The following RAPGEF6 variants were observed in gnomAD, a reference collection of about 807,000 sequenced individuals.
RAPGEF6 encodes PDZ domain containing guanine nucleotide exchange factor (GEF) 2.
In RAPGEF6, 56 loss-of-function variants were observed where a neutral mutation model predicts 171.4. That is an observed-to-expected ratio of 0.33 (90% CI 0.26 to 0.41). The LOEUF (loss-of-function observed/expected upper bound fraction) is 0.41. RAPGEF6 is among the 10% of genes least tolerant of loss of function. The pLI is 1.00. For missense variants in RAPGEF6, 1,674 were observed against 1,921.4 expected (o/e 0.87, Z 2.41); for synonymous variants, 692 against 650.1 (o/e 1.06, Z -0.98).
At chr5:131,443,597 G>A (rs764586794) in intron 22 of RAPGEF6, among the ~76,000 whole-genome samples, 7 of 152,134 alleles carry the variant, frequency 4.6e-5, no homozygotes, top group African/African-American at 7.2e-5. Context: ...ACTTGCCCCT[G>A]CTTTTAGAAT....
intron 6 of RAPGEF6, among the ~76,000 whole-genome samples, chr5:131,542,767 A>C (rs1479980208): frequency 6.6e-6 from 1 of 152,222 alleles, no homozygotes; most frequent in South Asian, 2.1e-4. Flanking sequence ...AAAGAATAAA[A>C]GTACATCTTA....
chr5:131,514,769 C>A (rs1013007996), intron 7 of RAPGEF6, among the ~76,000 whole-genome samples: 9 of 152,056 alleles, frequency 5.9e-5, no homozygotes, highest in African/African-American at 2.2e-4. Flanking sequence ...TATCATAATA[C>A]CACGAGTGGA....
chr5:131,617,223 T>C (rs1010422533), intron 1 of RAPGEF6, among the ~76,000 whole-genome samples: 5 of 152,044 alleles, frequency 3.3e-5, no homozygotes, highest in African/African-American at 1.2e-4. Context: ...GCAGGAGGGA[T>C]CACTTGAGCC....
intron 4 of RAPGEF6, among the ~76,000 whole-genome samples, chr5:131,573,697 G>A (rs1318531222): frequency 9.2e-5 from 14 of 151,984 alleles, no homozygotes; most frequent in Non-Finnish European, 2.1e-4. Flanking sequence ...GCCTAGTCAA[G>A]TGGCTCAAAA....
intron 1 of RAPGEF6, among the ~76,000 whole-genome samples, chr5:131,629,217 C>G (rs1460483056): frequency 4.6e-5 from 7 of 152,126 alleles, no homozygotes; most frequent in East Asian, 1.9e-4. Flanking sequence ...TGGTGACTCA[C>G]GCCTGTAATC....
chr5:131,457,270 C>G (rs1753578663), intron 19 of RAPGEF6, among the ~76,000 whole-genome samples: 1 of 152,272 alleles, frequency 6.6e-6, no homozygotes, highest in African/African-American at 2.4e-5. Context: ...AGGGTTTCAC[C>G]ATGTTGGCCA....
chr5:131,623,776 C>A (rs895094403), intron 1 of RAPGEF6, among the ~76,000 whole-genome samples: 1 of 152,288 alleles, frequency 6.6e-6, no homozygotes, highest in Middle Eastern at 3.4e-3. Context: ...TGAGCCACTG[C>A]GCCCGGCCTT....
chr5:131,551,910 C>T (rs1339178290), intron 5 of RAPGEF6, among the ~76,000 whole-genome samples: 1 of 151,792 alleles, frequency 6.6e-6, no homozygotes, highest in African/African-American at 2.4e-5. Context: ...ACATTAAAGC[C>T]TGCATTAAAA....
chr5:131,484,954 GTC>G (rs1554074712), intron 15 of RAPGEF6, among the ~76,000 whole-genome samples: 1 of 152,150 alleles, frequency 6.6e-6, no homozygotes, highest in Non-Finnish European at 1.5e-5. Flanking sequence ...TAGAGACAGA[GTC>G]TTGCTCGTTG....
At chr5:131,523,015 A>G (rs900625424) in intron 6 of RAPGEF6, among the ~76,000 whole-genome samples, 9 of 152,202 alleles carry the variant, frequency 5.9e-5, no homozygotes, top group Non-Finnish European at 1.0e-4. Context: ...CTAGGTCTCA[A>G]TTAAAAAAAT....
chr5:131,461,040 CTAAA>C (rs925156189), intron 19 of RAPGEF6, among the ~76,000 whole-genome samples: 1 of 152,038 alleles, frequency 6.6e-6, no homozygotes, highest in Non-Finnish European at 1.5e-5. Context: ...CTACAGTGTG[CTAAA>C]TAAAGATCAG....
Position 131,520,808 on chromosome 5 carries a change from T to A in RAPGEF6, c.627+582A>T, listed in dbSNP as rs533236932. Among the ~76,000 whole-genome samples the A allele has an allele frequency of 3.6e-4, 55 of 152,330 alleles. 1 individual carries two copies. The highest frequency in any genetic ancestry group is 3.3e-3 in the Admixed American group (50 of 15,302). On this transcript the variant is annotated intron_variant, in intron 7 of 27. Transcript: ENST00000509018. ...CTTGGGTTCAATCTCAGCAGGATCA[T>A]GTGAGGATTCTCTCAGTTTATGGGT...
At chr5:131,577,637 ATAATCT>A in intron 4 of RAPGEF6, among the ~76,000 whole-genome samples, 1 of 152,228 alleles carries the variant, frequency 6.6e-6, no homozygotes, top group South Asian at 2.1e-4. Context: ...CTCAAACTCT[ATAATCT>A]TGATGGACCA....
intron 6 of RAPGEF6, among the ~76,000 whole-genome samples, chr5:131,524,872 T>G (rs1050184966): frequency 2.0e-5 from 3 of 152,178 alleles, no homozygotes; most frequent in Non-Finnish European, 2.9e-5. Flanking sequence ...TGCCTCAGCC[T>G]CCCAAAGTGC....
At chr5:131,629,582 C>T (rs1385258501) in intron 1 of RAPGEF6, among the ~76,000 whole-genome samples, 2 of 129,368 alleles carry the variant, frequency 1.5e-5, no homozygotes, top group South Asian at 2.7e-4. Flanking sequence ...AGCAAGGCCT[C>T]GTCTCTACAA....
intron 5 of RAPGEF6, 67 bp downstream of exon 5, chr5:131,561,911 G>A (rs1279892222): frequency 2.5e-6 from 3 of 1,219,610 alleles, no homozygotes; most frequent in Non-Finnish European, 3.6e-6. Context: ...AGTGTTTAAA[G>A]CCTACTACAT....
intron 17 of RAPGEF6, chr5:131,472,165 G>A (rs1168218813): frequency 2.6e-5 from 6 of 233,414 alleles, no homozygotes; most frequent in South Asian, 1.1e-4. Flanking sequence ...TCTGCCTCCC[G>A]GGTTCACGCC....
intron 10 of RAPGEF6, 60 bp downstream of exon 10, chr5:131,505,304 A>T: frequency 6.5e-7 from 1 of 1,547,322 alleles, no homozygotes; most frequent in Non-Finnish European, 8.8e-7. Flanking sequence ...AGGAAGACAA[A>T]ACAGGCTCAG....
intron 4 of RAPGEF6, among the ~76,000 whole-genome samples, chr5:131,575,546 C>T (rs542609675): frequency 1.3e-5 from 2 of 152,306 alleles, no homozygotes; most frequent in East Asian, 3.9e-4. Context: ...AAAGCAACAA[C>T]TCCTTTCCTT....
Sources: allele counts gnomAD v4.1 joint callset (sites outside exome capture counted in the v4.1 genomes callset), GRCh38; gene constraint gnomAD v4.1.1; transcripts MANE v1.5; gene names NCBI Gene and HGNC (gene_info 2026-07-23, HGNC 2026-07-21).